The following SERTM1 variants were observed in gnomAD, a reference collection of about 807,000 sequenced individuals.
SERTM1 encodes the protein serine-rich and transmembrane domain-containing protein 1.
A neutral mutation model predicts 5.5 loss-of-function variants in SERTM1; 1 was observed. The ratio of observed to expected loss-of-function variants is 0.18; its 90% CI spans 0.06 to 0.86. The LOEUF is 0.86. SERTM1 is among the 40% of genes least tolerant of loss of function. The pLI, the probability that SERTM1 is intolerant of heterozygous loss-of-function variation, is 0.69. For synonymous variants in SERTM1, 52 were observed against 55.1 expected (o/e 0.94, Z 0.25); for missense variants, 91 against 122.4 (o/e 0.74, Z 1.21).
At chr13:36,688,528 A>C (rs1471160346) in intron 1 of SERTM1, among the ~76,000 whole-genome samples, 1 of 152,134 alleles carries the variant, frequency 6.6e-6, no homozygotes, top group African/African-American at 2.4e-5. Context: ...ATTTTCTGAA[A>C]GGTTGTCTAG....
rs2056823808 is a variant in SERTM1, at chr13:36,697,460, A to G, written c.*2058A>G. 1 of 130,264 alleles carries G rather than the reference A, an allele frequency of 7.7e-6. No homozygotes were observed. The highest frequency in any genetic ancestry group is 1.7e-5 in the Non-Finnish European group (1 of 57,834). 8.1% of individuals were successfully genotyped at this position (130,264 alleles called of 1,614,324 possible). ...TTTTGTTATAGAGAGAAACAAGGAC[A>G]TGGATGAAGTGATTTTTTTTTAAAT... On this transcript the variant is annotated 3_prime_UTR_variant, in exon 2 of 2. Coordinates refer to ENST00000315190, the MANE Select transcript of SERTM1 (RefSeq NM_203451.3).
chr13:36,682,518 G>A (rs955555552), intron 1 of SERTM1, among the ~76,000 whole-genome samples: 11 of 152,158 alleles, frequency 7.2e-5, no homozygotes, highest in Non-Finnish European at 1.5e-4. Flanking sequence ...GAGGATGGAT[G>A]GCTTGAGTAG....
Position 36,674,112 on chromosome 13 carries a change from C to A in SERTM1, c.-246C>A, listed in dbSNP as rs1242718261. 1 of 152,184 alleles carries A rather than the reference C, an allele frequency of 6.6e-6. No homozygotes were observed. The highest frequency in any genetic ancestry group is 2.1e-4 in the South Asian group (1 of 4,836). 9.4% of individuals were successfully genotyped at this position (152,184 alleles called of 1,614,324 possible). A position where few individuals can be genotyped will look rare whatever the true frequency, so the allele number is the denominator to read the frequency against. ...CGAGGACGGCTTCGCGGGCGCGTAT[C>A]GTCCAGACCGGAGCACCGCCCCACC... On this transcript the variant is annotated 5_prime_UTR_variant, in exon 1 of 2. Transcript: ENST00000315190.
In SERTM1 at chr13:36,695,237, G is replaced by A. The variant is rs148367843; in HGVS notation, c.159G>A (p.Ala53=). Reference sequence around the variant, plus strand: ...TGTCCATATTCCTCAGCCTTTTAGCGTTTCTGCTTCTGCTTTTAATCATTG... The same window carrying A: ...TGTCCATATTCCTCAGCCTTTTAGCATTTCTGCTTCTGCTTTTAATCATTG... ...IYVSIFLSLL[A]FLLLLLIIAL... Residue 53 remains alanine, a synonymous_variant, in exon 2 of 2, where the codon GCG becomes GCA. Coordinates refer to ENST00000315190, the MANE Select transcript of SERTM1 (RefSeq NM_203451.3). The A allele has an allele frequency of 3.3e-5, 53 of 1,613,980 alleles. No individual in the cohort carries two copies. The highest frequency in any genetic ancestry group is 3.4e-5 in the Non-Finnish European group (40 of 1,180,036).
chr13:36,696,149 G>A lies in SERTM1; in HGVS notation c.*747G>A, dbSNP rs1011399342. On this transcript the variant is annotated 3_prime_UTR_variant, in exon 2 of 2. Transcript: ENST00000315190. ...AGTTGTGGAATTTTTGTGATTAATT[G>A]CTGTTACTAGTACTAAGAGAAGCAC... 6.0e-6 allele frequency: 1 copy of A among 166,776 alleles called. No individual in the cohort carries two copies. The highest frequency in any genetic ancestry group is 2.1e-4 in the South Asian group (1 of 4,824). 10.3% of individuals were successfully genotyped at this position (166,776 alleles called of 1,614,324 possible). A position where few individuals can be genotyped will look rare whatever the true frequency, so the allele number is the denominator to read the frequency against.
intron 1 of SERTM1, among the ~76,000 whole-genome samples, chr13:36,688,309 G>A (rs368810133): frequency 1.1e-4 from 16 of 152,028 alleles, no homozygotes; most frequent in African/African-American, 3.6e-4. Context: ...GACCTCCCAG[G>A]CTCAAGCAAT....
chr13:36,683,459 C>G (rs2056719245), intron 1 of SERTM1, among the ~76,000 whole-genome samples: 1 of 152,098 alleles, frequency 6.6e-6, no homozygotes, highest in South Asian at 2.1e-4. Context: ...TATAGTGAGA[C>G]CTTATGTTAG....
intron 1 of SERTM1, among the ~76,000 whole-genome samples, chr13:36,685,124 C>T (rs932074765): frequency 6.6e-6 from 1 of 152,162 alleles, no homozygotes; most frequent in Non-Finnish European, 1.5e-5. Flanking sequence ...GATTTCCACC[C>T]ACACTTGATA....
Position 36,690,394 on chromosome 13 carries a change from C to T in SERTM1, c.-173-4512C>T, listed in dbSNP as rs660617. 3.9e-3 allele frequency among the ~76,000 whole-genome samples: 601 copies of T among 152,274 alleles called. 5 individuals are homozygous for T. Among genetic ancestry groups the T allele is most frequent in the African/African-American group, 0.014 (581 of 41,556 alleles). Reference sequence around the variant, plus strand: ...GAGTCAGCTTTGAGTAAGGGTAGCACGTAAGATAGTAAACTTTATTTCTAT... The same window carrying T: ...GAGTCAGCTTTGAGTAAGGGTAGCATGTAAGATAGTAAACTTTATTTCTAT... On this transcript the variant is annotated intron_variant, in intron 1 of 1. Coordinates refer to ENST00000315190, the MANE Select transcript of SERTM1 (RefSeq NM_203451.3).
intron 1 of SERTM1, among the ~76,000 whole-genome samples, chr13:36,679,197 A>G (rs1593390888): frequency 6.6e-6 from 1 of 152,154 alleles, no homozygotes; most frequent in Admixed American, 6.5e-5. Flanking sequence ...CAAAAATCCA[A>G]AGTCTGAAAT....
intron 1 of SERTM1, among the ~76,000 whole-genome samples, chr13:36,691,538 C>T (rs2056778598): frequency 6.6e-6 from 1 of 152,178 alleles, no homozygotes; most frequent in Non-Finnish European, 1.5e-5. Context: ...TGAGCTAAAA[C>T]ATTTCCACAG....
intron 1 of SERTM1, among the ~76,000 whole-genome samples, chr13:36,684,955 T>A (rs2056730672): frequency 6.6e-6 from 1 of 152,248 alleles, no homozygotes; most frequent in Non-Finnish European, 1.5e-5. Flanking sequence ...TTTCCACAAA[T>A]AATTCCTAAT....
intron 1 of SERTM1, among the ~76,000 whole-genome samples, chr13:36,678,679 T>TTTTA: frequency 1.5e-5 from 2 of 133,738 alleles, no homozygotes; most frequent in African/African-American, 5.6e-5. Context: ...AAAATAAAAT[T>TTTTA]TATATATATA....
chr13:36,677,403 C>G (rs1160741996), intron 1 of SERTM1, among the ~76,000 whole-genome samples: 1 of 152,082 alleles, frequency 6.6e-6, no homozygotes, highest in East Asian at 1.9e-4. Context: ...TTTAAATTCC[C>G]AACTATTAAG....
intron 1 of SERTM1, among the ~76,000 whole-genome samples, chr13:36,681,715 T>C (rs2056706316): frequency 6.6e-6 from 1 of 152,242 alleles, no homozygotes; most frequent in South Asian, 2.1e-4. Context: ...TCATGGAGTT[T>C]AAGAAATTCT....
intron 1 of SERTM1, among the ~76,000 whole-genome samples, chr13:36,691,176 T>C (rs899086388): frequency 6.6e-6 from 1 of 152,194 alleles, no homozygotes; most frequent in Non-Finnish European, 1.5e-5. Context: ...GCAATGCTTA[T>C]GTGAGAGCAC....
intron 1 of SERTM1, among the ~76,000 whole-genome samples, chr13:36,683,744 T>C (rs1413071241): frequency 6.6e-6 from 1 of 152,154 alleles, no homozygotes; most frequent in Non-Finnish European, 1.5e-5. Flanking sequence ...ATACATTTCA[T>C]TGGTCAAAAT....
At chr13:36,675,582 A>C (rs544758330) in intron 1 of SERTM1, among the ~76,000 whole-genome samples, 1 of 152,332 alleles carries the variant, frequency 6.6e-6, no homozygotes, top group East Asian at 1.9e-4. Flanking sequence ...ATTTGTGATC[A>C]TGCCCATAGA....
chr13:36,674,830 G>C (rs897486895), intron 1 of SERTM1, among the ~76,000 whole-genome samples: 1 of 152,100 alleles, frequency 6.6e-6, no homozygotes, highest in African/African-American at 2.4e-5. Context: ...GAACACTTGC[G>C]TTTCCCAGGG....
Sources: gnomAD v4.1 joint callset for allele counts (sites outside exome capture counted in the v4.1 genomes callset) on GRCh38, gnomAD v4.1.1 for gene constraint, MANE v1.5 for transcripts, NCBI Gene and HGNC (gene_info 2026-07-23, HGNC 2026-07-21) for gene names.